SLX4: variants seen among roughly 807,000 people sequenced by gnomAD.
SLX4 encodes SLX4 structure-specific endonuclease subunit.
A neutral mutation model predicts 146.2 loss-of-function variants in SLX4; 112 were observed. That is an observed-to-expected ratio of 0.77 (90% CI 0.66 to 0.90). The LOEUF (loss-of-function observed/expected upper bound fraction) is 0.90, where lower values mean the gene tolerates loss of function less well. Among genes scored for constraint, SLX4 ranks in the 40% least tolerant of loss-of-function variants. The pLI is 0.00. For missense variants in SLX4, 2,563 were observed against 2,392.7 expected (o/e 1.07, Z -1.49); for synonymous variants, 1,061 against 997.7 (o/e 1.06, Z -1.20).
At position 3,589,916 on chromosome 16, in the gene SLX4, C is replaced by G. The variant is rs773723496; in HGVS notation, c.3722G>C (p.Arg1241Pro). ...RRGAPWLFCD[R>P]ESSPSEASTT... Reference sequence around the variant, plus strand: ...GCTGGCCTCGCTGGGGCTGCTCTCACGGTCACAGAACAGCCAGGGAGCCCC... The same window carrying G: ...GCTGGCCTCGCTGGGGCTGCTCTCAGGGTCACAGAACAGCCAGGGAGCCCC... Residue 1241 changes from arginine (R) to proline (P), a missense_variant, in exon 12 of 15, where the codon CGT becomes CCT. Coordinates refer to ENST00000294008, the MANE Select transcript of SLX4 (RefSeq NM_032444.4). This position sits in a 1 kb window ranked among gnomAD's most constrained non-coding sequence, Gnocchi z 6.2. The G allele has an allele frequency of 6.2e-7, 1 of 1,613,796 alleles. No homozygotes were observed. The highest frequency in any genetic ancestry group is 1.3e-5 in the African/African-American group (1 of 74,890).
Position 3,582,468 on chromosome 16 carries a change from G to C in SLX4, c.5379C>G (p.Ser1793=). 1 of 1,614,052 alleles carries C rather than the reference G, an allele frequency of 6.2e-7. No individual in the cohort carries two copies. Among genetic ancestry groups the C allele is most frequent in the Non-Finnish European group, 8.5e-7 (1 of 1,180,048 alleles). ...CCAGGAAGTCCAACAGCCTGCGCGAGGACACACGGAGGCCGTTCTGCCTCA... is the reference window on the plus strand; with the variant it reads ...CCAGGAAGTCCAACAGCCTGCGCGACGACACACGGAGGCCGTTCTGCCTCA... ...AELRQNGLRV[S]SRRLLDFLDT... The change falls in exon 15 of 15, where the codon TCC becomes TCG. Residue 1793 remains serine (S), a synonymous_variant. Transcript: ENST00000294008.
chr16:3,596,372 G>T lies in SLX4; in HGVS notation c.1705C>A (p.Pro569Thr). 1 of 1,596,524 alleles carries T rather than the reference G, an allele frequency of 6.3e-7. No individual in the cohort carries two copies. Among genetic ancestry groups the T allele is most frequent in the South Asian group, 1.1e-5 (1 of 89,436 alleles). Reference protein sequence around the residue: ...PAQGLMQEPVPPLVPPEHSEL... With the variant: ...PAQGLMQEPVTPLVPPEHSEL... ...GAGTGCTCAGGTGGCACCAGAGGCG[G>T]CACGGGCTCCTGCATAAGGCCCTGA... The change falls in exon 8 of 15, where the codon CCG becomes ACG. Residue 569 changes from proline to threonine, a missense_variant. Transcript: ENST00000294008.
chr16:3,588,754 T>C (rs1020061417), intron 12 of SLX4, among the ~76,000 whole-genome samples: 2 of 152,144 alleles, frequency 1.3e-5, no homozygotes, highest in Non-Finnish European at 2.9e-5. Context: ...TTTTAACACA[T>C]GCCCAGGTGA....
intron 4 of SLX4, 140 bp from the exon 5 acceptor site, chr16:3,601,331 G>C: frequency 1.2e-6 from 1 of 828,402 alleles, no homozygotes; most frequent in South Asian, 1.4e-5. Context: ...GCCTGGCTCC[G>C]TCTCCCGGCA....
chr16:3,595,543 A>G (rs995862793), intron 9 of SLX4, 62 bp downstream of exon 9: 2 of 1,590,032 alleles, frequency 1.3e-6, no homozygotes, highest in Non-Finnish European at 1.7e-6. Flanking sequence ...AGCCAACCCC[A>G]CCACACACAT....
At chr16:3,599,809 CT>C (rs1391238537) in intron 5 of SLX4, among the ~76,000 whole-genome samples, 2 of 152,162 alleles carry the variant, frequency 1.3e-5, no homozygotes, top group African/African-American at 4.8e-5. Context: ...TGGCCTTGAA[CT>C]CCTGGGCTCA....
chr16:3,597,805 G>A lies in SLX4; in HGVS notation c.1358C>T (p.Pro453Leu). The change falls in exon 6 of 15, where the codon CCA becomes CTA. Residue 453 changes from proline (P) to leucine (L), a missense_variant. Pro to Leu is a moderately conservative substitution (Grantham distance 98). Transcript: ENST00000294008. The surrounding 1 kb of genome is among the most constrained non-coding windows in gnomAD (Gnocchi z 4.4). ...CTTCTGATCACACAAACCTGCTTCT[G>A]GTCTTATCCTCTCAGAAAAGGCACT... is the stretch of plus-strand genomic sequence containing the variant. ...LESAFSERIR[P>L]EAENKSRKKK... 6.2e-7 allele frequency: 1 copy of A among 1,614,088 alleles called. No homozygotes were observed. Among genetic ancestry groups the A allele is most frequent in the Non-Finnish European group, 8.5e-7 (1 of 1,180,008 alleles).
intron 12 of SLX4, among the ~76,000 whole-genome samples, chr16:3,586,342 C>A (rs2040508343): frequency 6.6e-6 from 1 of 151,564 alleles, no homozygotes; most frequent in Admixed American, 6.6e-5. Flanking sequence ...GGCAACATAG[C>A]AAGACCCAGT....
chr16:3,601,189 C>A lies in SLX4; in HGVS notation c.953G>T (p.Cys318Phe). Residue 318 changes from cysteine (C) to phenylalanine (F), a missense_variant and splice_region_variant, in exon 5 of 15, where the codon TGC becomes TTC. Coordinates refer to ENST00000294008, the MANE Select transcript of SLX4 (RefSeq NM_032444.4). ...VTRREQHVNRCLDEAEKTLRP... is the reference protein window; with the variant it reads ...VTRREQHVNRFLDEAEKTLRP... ...TAGTGTCTTTTCAGCTTCATCCAAGCACCTGAAGGAAAACAGTCAATACAG... is the reference window on the plus strand; with the variant it reads ...TAGTGTCTTTTCAGCTTCATCCAAGAACCTGAAGGAAAACAGTCAATACAG... 6.2e-7 allele frequency: 1 copy of A among 1,614,072 alleles called. No homozygotes were observed. Among genetic ancestry groups the A allele is most frequent in the Non-Finnish European group, 8.5e-7 (1 of 1,180,034 alleles).
Position 3,597,390 on chromosome 16 carries a change from G to A in SLX4, c.1672C>T (p.Arg558Trp), listed in dbSNP as rs372264472. The A allele has an allele frequency of 5.7e-5, 90 of 1,577,400 alleles. No homozygotes were observed. Among genetic ancestry groups the A allele is most frequent in the South Asian group, 1.0e-4 (9 of 86,280 alleles). ...ARLVPPLVPQ[R>W]PAQGLMQEPV... ...GGGGAGGGACTCACCTGGGCAGGCC[G>A]CTGGGGCACGAGAGGAGGGACCAGC... The change falls in exon 7 of 15, where the codon CGG (arginine) becomes TGG (tryptophan). Residue 558 changes from arginine to tryptophan, a missense_variant. Coordinates refer to ENST00000294008, the MANE Select transcript of SLX4 (RefSeq NM_032444.4). This position sits in a 1 kb window ranked among gnomAD's most constrained non-coding sequence, Gnocchi z 4.4.
At chr16:3,587,113 A>G (rs763296764) in intron 12 of SLX4, among the ~76,000 whole-genome samples, 11 of 152,204 alleles carry the variant, frequency 7.2e-5, no homozygotes, top group Non-Finnish European at 1.6e-4. Flanking sequence ...ATTGTACAAC[A>G]CTGTGAATGT....
intron 10 of SLX4, among the ~76,000 whole-genome samples, chr16:3,593,216 C>T (rs1160136847): frequency 6.6e-6 from 1 of 152,082 alleles, no homozygotes; most frequent in Non-Finnish European, 1.5e-5. Flanking sequence ...GGATTGCAGC[C>T]GCCCACCACC....
In SLX4 at chr16:3,582,531, C is replaced by T. The variant is rs773058133; in HGVS notation, c.5316G>A (p.Leu1772=). 6.2e-6 allele frequency: 10 copies of T among 1,614,018 alleles called. No individual in the cohort carries two copies. The South Asian group carries it at 1.1e-4, about 18-fold the overall frequency. The change falls in exon 15 of 15, where the codon CTG becomes CTA. Residue 1772 remains leucine (L), a synonymous_variant. Coordinates refer to ENST00000294008, the MANE Select transcript of SLX4 (RefSeq NM_032444.4). ...SKPALYQKVL[L]YQPFELRELQ... is the part of the protein sequence containing the mutation. ...GCTCCCGCAGCTCAAAGGGCTGGTA[C>T]AGCAGCACCTTCTGGTACAGGGCCG... is the stretch of plus-strand genomic sequence containing the variant.
At chr16:3,600,694 G>C (rs1358110441) in intron 5 of SLX4, 1 of 358,890 alleles carries the variant, frequency 2.8e-6, no homozygotes, top group African/African-American at 2.4e-5. Context: ...TCTACCTTCT[G>C]GGTTCAAGTG....
In SLX4 at chr16:3,589,465, T is replaced by C; in HGVS notation, c.4173A>G (p.Glu1391=). The change falls in exon 12 of 15, where the codon GAA becomes GAG. Residue 1391 remains glutamate, a synonymous_variant. Transcript: ENST00000294008. This position sits in a 1 kb window ranked among gnomAD's most constrained non-coding sequence, Gnocchi z 6.2. ...CGTCACTGTCTCCGACTTCCACCACTTCACCCGCTGGGGTCTGGTTCAGGA... is the reference window on the plus strand; with the variant it reads ...CGTCACTGTCTCCGACTTCCACCACCTCACCCGCTGGGGTCTGGTTCAGGA... ...PSFLNQTPAG[E]VVEVGDSDDE... 6.2e-7 allele frequency: 1 copy of C among 1,608,282 alleles called. No homozygotes were observed. Among genetic ancestry groups the C allele is most frequent in the Non-Finnish European group, 8.5e-7 (1 of 1,175,574 alleles).
At position 3,583,421 on chromosome 16, in the gene SLX4, G is replaced by A. The variant is rs201841711; in HGVS notation, c.4829C>T (p.Ser1610Phe). ...QYTHQTLDSD[S>F]EDESQSSQPL... ...CTGTGAGGACTGGCTCTCGTCCTCG[G>A]AGTCTGAGTCCAGGGTCTGGTGAGT... Residue 1610 changes from serine to phenylalanine, a missense_variant, in exon 14 of 15, where the codon TCC becomes TTC. By Grantham distance (155) the Ser-to-Phe change is radical (BLOSUM62 -2). Transcript: ENST00000294008. The A allele has an allele frequency of 1.2e-6, 2 of 1,613,998 alleles. No homozygotes were observed. The highest frequency in any genetic ancestry group is 1.7e-6 in the Non-Finnish European group (2 of 1,179,892).
At chr16:3,602,024 C>G in intron 4 of SLX4, 94 bp downstream of exon 4, 1 of 1,468,350 alleles carries the variant, frequency 6.8e-7, no homozygotes, top group Non-Finnish European at 9.5e-7. Flanking sequence ...GTGCTGTTGT[C>G]ATGGTAAGGT....
rs377675862 is a variant in SLX4, at chr16:3,603,049, TTTTG to T, written c.761-746_761-743del. On this transcript the variant is annotated intron_variant, in intron 3 of 14. Coordinates refer to ENST00000294008, the MANE Select transcript of SLX4 (RefSeq NM_032444.4). Reference sequence around the variant, plus strand: ...AGCACACCTTCATTTTGGTGCCCTGTTTTGTTTGTTTGTTTGTTTTTGAGATGGA... The same window carrying T: ...AGCACACCTTCATTTTGGTGCCCTGTTTTGTTTGTTTGTTTTTGAGATGGA... Among the ~76,000 whole-genome samples the T allele has an allele frequency of 3.5e-4, 53 of 152,210 alleles. No homozygotes were observed. The Middle Eastern group carries it at 0.017, about 49-fold the overall frequency.
At chr16:3,587,638 C>T (rs934947331) in intron 12 of SLX4, among the ~76,000 whole-genome samples, 2 of 152,140 alleles carry the variant, frequency 1.3e-5, no homozygotes, top group Non-Finnish European at 2.9e-5. Flanking sequence ...GTGCAGCCTC[C>T]TGCAGCTGTT....
Sources: allele counts gnomAD v4.1 joint callset (sites outside exome capture counted in the v4.1 genomes callset), GRCh38; gene constraint gnomAD v4.1.1; non-coding constraint Gnocchi (gnomAD v3.1); transcripts MANE v1.5; gene names NCBI Gene and HGNC (gene_info 2026-07-23, HGNC 2026-07-21).